Variants in CIT observed in about 807,000 individuals in gnomAD.
The protein encoded by CIT is citron Rho-interacting kinase.
CIT carries 79 observed loss-of-function variants against 272.7 expected under a neutral mutation model. That is an observed-to-expected ratio of 0.29 (90% CI 0.24 to 0.35). The LOEUF (loss-of-function observed/expected upper bound fraction) is 0.35, where lower values mean the gene tolerates loss of function less well. Ranked by LOEUF, CIT falls within the 10% of genes least tolerant of loss-of-function variation. CIT has a pLI of 1.00. For synonymous variants in CIT, 948 were observed against 995.6 expected (o/e 0.95, Z 0.90); for missense variants, 1,909 against 2,618.3 (o/e 0.73, Z 5.91).
intron 23 of CIT, among the ~76,000 whole-genome samples, chr12:119,750,744 TAG>T (rs1960111910): frequency 7.6e-6 from 1 of 132,142 alleles, no homozygotes; most frequent in African/African-American, 2.9e-5. Context: ...TAAATATATA[TAG>T]ATATAGATAG....
rs556748308 is a variant in CIT at position 119,778,452 on chromosome 12, T to A, written c.1666-1610A>T. Among the ~76,000 whole-genome samples the A allele has an allele frequency of 3.9e-5, 6 of 152,312 alleles. No individual in the cohort carries two copies. The East Asian group carries it at 1.2e-3, about 29-fold the overall frequency. On this transcript the variant is annotated intron_variant, in intron 13 of 47. Coordinates refer to ENST00000392521, the MANE Select transcript of CIT (RefSeq NM_001206999.2). Reference sequence around the variant, plus strand: ...AATGAACAAGGAATTGAATCAAGAATGTCTTTAAAAATCACAATATTCAGT... The same window carrying A: ...AATGAACAAGGAATTGAATCAAGAAAGTCTTTAAAAATCACAATATTCAGT...
At chr12:119,737,998 A>C (rs548947671) in intron 24 of CIT, among the ~76,000 whole-genome samples, 1 of 152,282 alleles carries the variant, frequency 6.6e-6, no homozygotes, top group African/African-American at 2.4e-5. Flanking sequence ...TGGATTTTTT[A>C]AAAAAGGCAT....
In CIT at chr12:119,718,753, G is replaced by A; in HGVS notation, c.3949C>T (p.Leu1317=). The change falls in exon 31 of 48, where the codon CTA becomes TTA. Residue 1317 remains leucine, a synonymous_variant. Transcript: ENST00000392521. The surrounding 1 kb of genome is among the most constrained non-coding windows in gnomAD (Gnocchi z 4.8). ...CGGGTCTTCTGAAGGGCTTCCTCTA[G>A]CTCTGCACAGCGAGCTTTCTCCTTC... ...LEKEKARCAE[L]EEALQKTRIE... 1 of 1,614,114 alleles carries A rather than the reference G, an allele frequency of 6.2e-7. No homozygotes were observed.
At chr12:119,752,337 G>C in intron 22 of CIT, 90 bp from the exon 23 acceptor site, 1 of 1,244,732 alleles carries the variant, frequency 8.0e-7, no homozygotes, top group African/African-American at 1.5e-5. Context: ...TACTCAACCT[G>C]CAGCTGAAAC....
chr12:119,832,652 A>G, intron 7 of CIT, 119 bp downstream of exon 7: 1 of 786,056 alleles, frequency 1.3e-6, no homozygotes. Flanking sequence ...CCACCCCCAT[A>G]CACTGCCAAA....
chr12:119,726,276 TG>T (rs1958098422), intron 28 of CIT, among the ~76,000 whole-genome samples: 1 of 151,846 alleles, frequency 6.6e-6, no homozygotes, highest in African/African-American at 2.4e-5. Flanking sequence ...TACAGTGCAG[TG>T]GTACCATCAG....
At chr12:119,729,905 G>A (rs944210836) in intron 27 of CIT, among the ~76,000 whole-genome samples, 2 of 152,120 alleles carry the variant, frequency 1.3e-5, no homozygotes, top group African/African-American at 4.8e-5. Flanking sequence ...GATCTGTAAC[G>A]CTGAAGCGCC....
chr12:119,831,689 G>A (rs995406547), intron 7 of CIT, among the ~76,000 whole-genome samples: 1 of 152,112 alleles, frequency 6.6e-6, no homozygotes, highest in Non-Finnish European at 1.5e-5. Flanking sequence ...CTAACACGGT[G>A]AAACCCCGTC....
At chr12:119,785,753 T>C (rs964396493) in intron 10 of CIT, among the ~76,000 whole-genome samples, 5 of 152,096 alleles carry the variant, frequency 3.3e-5, no homozygotes, top group Non-Finnish European at 7.4e-5. Context: ...CTAATTTTTG[T>C]ATTTTTAGTA....
intron 10 of CIT, among the ~76,000 whole-genome samples, chr12:119,792,818 C>T (rs1238222571): frequency 1.3e-5 from 2 of 151,418 alleles, no homozygotes; most frequent in Admixed American, 6.6e-5. Context: ...CAATGGTGGC[C>T]GGGTGTGGTG....
rs1804242152 is a variant in CIT at position 119,767,071 on chromosome 12, C to G, written c.2304+16G>C. ...CTATAGGAGCAAGGCCAGGGAAGAT[C>G]AGAAAATGTCTTTACTTTAATCTTT... On this transcript the variant is annotated intron_variant, in intron 19 of 47. Coordinates refer to ENST00000392521, the MANE Select transcript of CIT (RefSeq NM_001206999.2). The G allele has an allele frequency of 6.3e-7, 1 of 1,596,752 alleles. No homozygotes were observed. Among genetic ancestry groups the G allele is most frequent in the Admixed American group, 1.7e-5 (1 of 58,878 alleles).
intron 10 of CIT, among the ~76,000 whole-genome samples, chr12:119,787,685 G>T (rs1374865884): frequency 1.5e-5 from 2 of 129,582 alleles, no homozygotes; most frequent in Non-Finnish European, 3.1e-5. Flanking sequence ...GAGCCAAGAT[G>T]GCACCACAGC....
intron 2 of CIT, among the ~76,000 whole-genome samples, chr12:119,873,192 G>A (rs2138426254): frequency 6.6e-6 from 1 of 151,770 alleles, no homozygotes; most frequent in Non-Finnish European, 1.5e-5. Flanking sequence ...TTCTATGCCA[G>A]ACACATTGGA....
At chr12:119,860,687 T>A (rs1203219232) in intron 3 of CIT, among the ~76,000 whole-genome samples, 2 of 152,112 alleles carry the variant, frequency 1.3e-5, no homozygotes, top group African/African-American at 4.8e-5. Flanking sequence ...CAGACCACGG[T>A]GCTTTGCAGG....
chr12:119,697,077 T>G lies in CIT; in HGVS notation c.5882+582A>C, dbSNP rs1246007261. The stretch of plus-strand genomic sequence containing the variant: ...CTGGCCAGGAGTCCCTGACCTGCTC[T>G]CACGACCTCACATCTCTGGACCTCC... On this transcript the variant is annotated intron_variant, in intron 46 of 47. Coordinates refer to ENST00000392521, the MANE Select transcript of CIT (RefSeq NM_001206999.2). The surrounding 1 kb of genome is among the most constrained non-coding windows in gnomAD (Gnocchi z 4.9). Among the ~76,000 whole-genome samples, 2 of 152,184 alleles carry G rather than the reference T, an allele frequency of 1.3e-5. No individual in the cohort carries two copies. Among genetic ancestry groups the G allele is most frequent in the African/African-American group, 4.8e-5 (2 of 41,434 alleles).
intron 7 of CIT, among the ~76,000 whole-genome samples, chr12:119,829,975 G>A (rs1314591344): frequency 6.6e-6 from 1 of 151,742 alleles, no homozygotes; most frequent in Non-Finnish European, 1.5e-5. Context: ...ATTTTATATG[G>A]TATACTATGA....
intron 8 of CIT, among the ~76,000 whole-genome samples, chr12:119,824,731 C>T (rs1000878674): frequency 6.6e-6 from 1 of 152,184 alleles, no homozygotes; most frequent in African/African-American, 2.4e-5. Flanking sequence ...ATAAAATATT[C>T]ATGAACACAA....
Position 119,688,006 on chromosome 12 carries a change from T to A in CIT, c.*226A>T. 1 of 601,646 alleles carries A rather than the reference T, an allele frequency of 1.7e-6. No homozygotes were observed. Among genetic ancestry groups the A allele is most frequent in the South Asian group, 2.0e-5 (1 of 49,614 alleles). The allele number at this position is 601,646 out of a possible 1,614,324, so 37.3% of individuals were successfully genotyped here. On this transcript the variant is annotated 3_prime_UTR_variant, in exon 48 of 48. Transcript: ENST00000392521. The stretch of plus-strand genomic sequence containing the variant: ...GAGTAACAAAGTGCAAAGAGATGAC[T>A]GCAGGGAGGTGCCCAGGGCAGGCAC...
chr12:119,856,816 GT>G (rs1281624185), intron 4 of CIT, among the ~76,000 whole-genome samples: 8 of 152,142 alleles, frequency 5.3e-5, no homozygotes, highest in Non-Finnish European at 1.2e-4. Context: ...TTCCAAGGTT[GT>G]TTTTAAACAC....
Sources: allele counts gnomAD v4.1 joint callset (sites outside exome capture counted in the v4.1 genomes callset), GRCh38; gene constraint gnomAD v4.1.1; non-coding constraint Gnocchi (gnomAD v3.1); transcripts MANE v1.5; gene names NCBI Gene and HGNC (gene_info 2026-07-23, HGNC 2026-07-21).